The following ARMC12 variants were observed in gnomAD, a reference collection of about 807,000 sequenced individuals.
ARMC12 encodes the protein armadillo repeat containing 12.
Under a neutral mutation model 37.4 loss-of-function variants are expected in ARMC12, and 25 were observed. The observed-to-expected ratio is 0.67, with a 90% CI of 0.49 to 0.93. ARMC12 has a LOEUF of 0.93. ARMC12 is among the 40% of genes least tolerant of loss of function. The pLI, the probability that ARMC12 is intolerant of heterozygous loss-of-function variation, is 0.00. For missense variants in ARMC12, 384 were observed against 426.6 expected, an observed-to-expected ratio of 0.90 and a Z score of 0.88; for synonymous variants, 167 against 176.1, an observed-to-expected ratio of 0.95 and a Z score of 0.41.
At chr6:35,742,053 T>C (rs1050788562) in intron 3 of ARMC12, among the ~76,000 whole-genome samples, 17 of 151,070 alleles carry the variant, frequency 1.1e-4, no homozygotes, top group African/African-American at 4.1e-4. Flanking sequence ...GGTGGGGTTT[T>C]GCCATGTTGT....
At chr6:35,734,595 G>A (rs1436378982), upstream of ARMC12, among the ~76,000 whole-genome samples, 1 of 152,180 alleles carries the variant, frequency 6.6e-6, no homozygotes, top group African/African-American at 2.4e-5. Context: ...GAGCTCAGGT[G>A]TTCGAGACCA....
chr6:35,746,701 A>G (rs1200825242), intron 3 of ARMC12, among the ~76,000 whole-genome samples: 1 of 152,148 alleles, frequency 6.6e-6, no homozygotes, highest in African/African-American at 2.4e-5. Context: ...AGGGTTGGAA[A>G]AGGAGTGTGA....
chr6:35,748,500 AGGAG>A lies in ARMC12; in HGVS notation c.691-37_691-34del, dbSNP rs754352471. ...AGAACAAGAATTTTGTAACTTGCCT[AGGAG>A]TTTATTCCCATTCTTTCTCTATTCC... On this transcript the variant is annotated intron_variant, in intron 5 of 5. Coordinates refer to ENST00000373866, the MANE Select transcript of ARMC12 (RefSeq NM_001286574.2). The A allele has an allele frequency of 5.7e-4, 804 of 1,417,386 alleles. 2 individuals carry two copies. The highest frequency in any genetic ancestry group is 7.0e-4 in the Non-Finnish European group (753 of 1,074,476). 87.8% of individuals were successfully genotyped at this position (1,417,386 alleles called of 1,614,324 possible). A position where few individuals can be genotyped will look rare whatever the true frequency, so the allele number is the denominator to read the frequency against.
chr6:35,749,017 C>CCTG lies in ARMC12; in HGVS notation c.*147_*148insCTG. 1 of 722,700 alleles carries CCTG rather than the reference C, an allele frequency of 1.4e-6. No individual in the cohort carries two copies. The highest frequency in any genetic ancestry group is 2.1e-6 in the Non-Finnish European group (1 of 465,646). 44.8% of individuals were successfully genotyped at this position (722,700 alleles called of 1,614,324 possible). ...AGTGTGGTACAGCATGGGCTTATCT[C>CCTG]TCAAAACACATCCCCACTTCTATGT... On this transcript the variant is annotated 3_prime_UTR_variant, in exon 6 of 6. Coordinates refer to ENST00000373866, the MANE Select transcript of ARMC12 (RefSeq NM_001286574.2).
upstream of ARMC12, among the ~76,000 whole-genome samples, chr6:35,734,492 G>A (rs1766907132): frequency 6.6e-6 from 1 of 152,178 alleles, no homozygotes; most frequent in African/African-American, 2.4e-5. Context: ...CTCAAAATAG[G>A]AGTGACATCA....
In ARMC12 at chr6:35,738,167, G is replaced by C; in HGVS notation, c.304G>C (p.Ala102Pro). Residue 102 changes from alanine to proline, a missense_variant, in exon 2 of 6, where the codon GCT (alanine) becomes CCT (proline). Transcript: ENST00000373866. Reference protein sequence around the residue: ...SITRCVYLLEAEASACTTDDI... With the variant: ...SITRCVYLLEPEASACTTDDI... ...CACTCGCTGTGTGTACTTGCTGGAG[G>C]CTGAGGTAAGGGAAGCAGGAGGTCC... 1.2e-6 allele frequency: 2 copies of C among 1,611,926 alleles called. No homozygotes were observed. The highest frequency in any genetic ancestry group is 1.7e-6 in the Non-Finnish European group (2 of 1,178,904).
rs182043959 is a variant in ARMC12 at position 35,738,389 on chromosome 6, T to C, written c.315T>C (p.Ser105=). 15 of 1,613,408 alleles carry C rather than the reference T, an allele frequency of 9.3e-6. No individual in the cohort carries two copies. In the East Asian group the frequency reaches 3.1e-4, roughly 34 times the overall value. ...ATCTCTCCCCAATACTCCAGGCCTC[T>C]GCTTGTACTACGGATGACATCGTGT... ...RCVYLLEAEA[S]ACTTDDIVLL... The change falls in exon 3 of 6, where the codon TCT becomes TCC. Residue 105 remains serine, a synonymous_variant. Transcript: ENST00000373866.
At chr6:35,747,137 A>T in intron 3 of ARMC12, 124 bp from the exon 4 acceptor site, 1 of 988,174 alleles carries the variant, frequency 1.0e-6, no homozygotes, top group Non-Finnish European at 1.4e-6. Context: ...GTTGAGAGTT[A>T]GGGAGAATTG....
chr6:35,732,033 C>A (rs1425166950), upstream of ARMC12, among the ~76,000 whole-genome samples: 4 of 151,886 alleles, frequency 2.6e-5, no homozygotes. Context: ...ATCCTGTGCC[C>A]GTCGCCGGAT....
chr6:35,744,965 C>T (rs751225058), intron 3 of ARMC12, among the ~76,000 whole-genome samples: 3 of 152,120 alleles, frequency 2.0e-5, no homozygotes, highest in East Asian at 1.9e-4. Flanking sequence ...AAATTAGTGA[C>T]GATACCAAAT....
At chr6:35,744,709 C>T (rs946590815) in intron 3 of ARMC12, among the ~76,000 whole-genome samples, 11 of 152,044 alleles carry the variant, frequency 7.2e-5, no homozygotes, top group African/African-American at 1.4e-4. Context: ...GAGCCGAGAT[C>T]GCACCACTGC....
At chr6:35,737,332 C>G (rs1325434913) in intron 1 of ARMC12, 61 bp downstream of exon 1, 4 of 1,614,104 alleles carry the variant, frequency 2.5e-6, no homozygotes, top group Non-Finnish European at 3.4e-6. Flanking sequence ...CCCGAGGCCT[C>G]TGCTGTGGGA....
chr6:35,740,652 A>T (rs1293946811), intron 3 of ARMC12, among the ~76,000 whole-genome samples: 1 of 152,086 alleles, frequency 6.6e-6, no homozygotes, highest in African/African-American at 2.4e-5. Flanking sequence ...TGCCTCCCCC[A>T]CCAGAGGCAG....
chr6:35,739,617 T>C (rs1767104365), intron 3 of ARMC12, among the ~76,000 whole-genome samples: 1 of 152,236 alleles, frequency 6.6e-6, no homozygotes, highest in Admixed American at 6.5e-5. Context: ...AATTTTGTCA[T>C]GCTTTAAGGC....
intron 1 of ARMC12, 46 bp downstream of exon 1, chr6:35,737,317 C>T: frequency 6.2e-7 from 1 of 1,614,252 alleles, no homozygotes; most frequent in Non-Finnish European, 8.5e-7. Context: ...CAGGAGGCAC[C>T]TGCTCCCGAG....
chr6:35,741,418 A>AT (rs34523843), intron 3 of ARMC12, among the ~76,000 whole-genome samples: 78,028 of 145,190 alleles, frequency 0.54, 21,063 homozygotes, highest in African/African-American at 0.66. Context: ...TCACATTTTA[A>AT]TTTTTTTTTT....
At chr6:35,739,544 T>C (rs901807705) in intron 3 of ARMC12, among the ~76,000 whole-genome samples, 2 of 152,192 alleles carry the variant, frequency 1.3e-5, no homozygotes, top group Admixed American at 6.5e-5. Context: ...ACCTGTGGCG[T>C]TTCTTCAGAT....
intron 3 of ARMC12, among the ~76,000 whole-genome samples, chr6:35,742,517 A>AAAAG (rs1252486951): frequency 4.0e-5 from 6 of 151,196 alleles, no homozygotes; most frequent in Non-Finnish European, 7.4e-5. Context: ...AAAAAAAAAA[A>AAAAG]AAAGCCCAGG....
In ARMC12 at chr6:35,737,114, C is replaced by T; in HGVS notation, c.6C>T (p.Gly2=). The change falls in exon 1 of 6, where the codon GGC becomes GGT. Residue 2 remains glycine (G), a synonymous_variant. Transcript: ENST00000373866. ...CCCAGGGCAACACTGAAGACATGGG[C>T]AAGAGCATCCCCCAATACCTGGGGC... M[G]KSIPQYLGQL... The T allele has an allele frequency of 6.2e-7, 1 of 1,614,118 alleles. No homozygotes were observed. Among genetic ancestry groups the T allele is most frequent in the Non-Finnish European group, 8.5e-7 (1 of 1,180,016 alleles).
Sources: gnomAD v4.1 joint callset for allele counts (sites outside exome capture counted in the v4.1 genomes callset) on GRCh38, gnomAD v4.1.1 for gene constraint, MANE v1.5 for transcripts, NCBI Gene and HGNC (gene_info 2026-07-23, HGNC 2026-07-21) for gene names.